The following DMD variants were observed in gnomAD, a reference collection of about 807,000 sequenced individuals.
The protein encoded by DMD is mutant dystrophin.
Under a neutral mutation model 330.1 loss-of-function variants are expected in DMD, and 63 were observed. That is an observed-to-expected ratio of 0.19 (90% CI 0.16 to 0.24). The LOEUF (loss-of-function observed/expected upper bound fraction) is 0.24, where lower values mean the gene tolerates loss of function less well. Ranked by LOEUF, DMD falls within the 10% of genes least tolerant of loss-of-function variation. The probability of loss-of-function intolerance (pLI) is 1.00; values close to 1 mark genes in which losing one functional copy is unlikely to be tolerated. For synonymous variants in DMD, 1,223 were observed against 959.8 expected (o/e 1.27, Z -5.07); for missense variants, 3,344 against 2,684.1 (o/e 1.25, Z -5.43).
chrX:32,975,345 G>GC (rs2092512917), intron 2 of DMD, among the ~76,000 whole-genome samples: 1 of 77,518 alleles, frequency 1.3e-5, no homozygotes, highest in Non-Finnish European at 2.3e-5. Context: ...TTTAAAAAAT[G>GC]CTTTTTTTTT....
At chrX:32,197,299 C>A (rs1211149733) in intron 44 of DMD, among the ~76,000 whole-genome samples, 1 of 111,294 alleles carries the variant, frequency 9.0e-6, no homozygotes, top group Non-Finnish European at 1.9e-5. Flanking sequence ...TCAAGCATTT[C>A]TCCTTTGTGT....
At chrX:32,014,422 T>G (rs2095743146) in intron 44 of DMD, among the ~76,000 whole-genome samples, 1 of 111,473 alleles carries the variant, frequency 9.0e-6, no homozygotes, top group Non-Finnish European at 1.9e-5. Context: ...GCATTGGAAA[T>G]TGACCCCTTG....
chrX:33,240,675 C>T (rs2052572774), intron 1 of DMD, among the ~76,000 whole-genome samples: 1 of 111,707 alleles, frequency 9.0e-6, no homozygotes, highest in South Asian at 3.7e-4. Context: ...ATTCACATTC[C>T]CACCAACGGT....
At chrX:32,527,164 C>A in intron 17 of DMD, among the ~76,000 whole-genome samples, 1 of 111,740 alleles carries the variant, frequency 8.9e-6, no homozygotes, top group Admixed American at 9.5e-5. Context: ...ATTGCAGGGT[C>A]CCAGGGCTCT....
intron 47 of DMD, among the ~76,000 whole-genome samples, chrX:31,920,250 A>T (rs936710786): frequency 8.9e-6 from 1 of 112,133 alleles, no homozygotes; most frequent in Non-Finnish European, 1.9e-5. Flanking sequence ...TTTTGGTATG[A>T]TTCTGATCTT....
chrX:31,338,309 C>CAAAAA (rs752828727), intron 61 of DMD, among the ~76,000 whole-genome samples: 2 of 53,389 alleles, frequency 3.7e-5, no homozygotes, highest in East Asian at 6.9e-4. Context: ...AGTAAAAATA[C>CAAAAA]AAAAAAAAAA....
At chrX:32,759,733 T>A (rs2071982129) in intron 7 of DMD, among the ~76,000 whole-genome samples, 1 of 110,356 alleles carries the variant, frequency 9.1e-6, no homozygotes, top group African/African-American at 3.3e-5. Context: ...AGTTTAAAAC[T>A]CCTTTTTTAA....
At chrX:33,111,127 A>G (rs1363050169) in intron 1 of DMD, among the ~76,000 whole-genome samples, 1 of 111,058 alleles carries the variant, frequency 9.0e-6, no homozygotes. Flanking sequence ...TGAAGTTGAC[A>G]ATGTTGCTGA....
At chrX:32,714,671 C>T (rs1292391871) in intron 7 of DMD, among the ~76,000 whole-genome samples, 1 of 111,625 alleles carries the variant, frequency 9.0e-6, no homozygotes, top group Non-Finnish European at 1.9e-5. Flanking sequence ...GGAGAACTAG[C>T]ATTTTCATCA....
intron 42 of DMD, among the ~76,000 whole-genome samples, chrX:32,308,533 T>C (rs762359775): frequency 3.6e-4 from 40 of 111,227 alleles, no homozygotes; most frequent in Non-Finnish European, 6.6e-4. Context: ...GGAGATTTGT[T>C]GGGAGACAGA....
At chrX:31,831,815 G>A (rs899222219) in intron 49 of DMD, among the ~76,000 whole-genome samples, 16 of 111,905 alleles carry the variant, frequency 1.4e-4, no homozygotes, top group Non-Finnish European at 2.8e-4. Flanking sequence ...TGTTAGCCAG[G>A]ATGGTCTCGA....
Position 32,699,103 on chromosome X carries a change from A to C in DMD, c.831+9T>G, listed in dbSNP as rs777394873. ...ATCTTGAATAGTAGCTGTCCTTTAC[A>C]CACTTTACCTGTTGAGAATAGTGCA... On this transcript the variant is annotated intron_variant, in intron 8 of 78. Coordinates refer to ENST00000357033, the MANE Select transcript of DMD (RefSeq NM_004006.3). 6 of 1,203,581 alleles carry C rather than the reference A, an allele frequency of 5.0e-6. No individual in the cohort carries two copies. Among genetic ancestry groups the C allele is most frequent in the Non-Finnish European group, 5.6e-6 (5 of 888,214 alleles).
Position 31,508,235 on chromosome X carries a change from C to A in DMD, c.8218-782G>T, listed in dbSNP as rs368616208. The A allele has an allele frequency of 4.7e-5, 57 of 1,205,513 alleles. No individual in the cohort carries two copies. The Middle Eastern group carries it at 1.1e-3, about 24-fold the overall frequency. ...TTACATGGTATGTCTTCCTGTGTAA[C>A]ATTTTCAGCTTGAACCGGGCACTAC... On this transcript the variant is annotated intron_variant, in intron 55 of 78. Coordinates refer to ENST00000357033, the MANE Select transcript of DMD (RefSeq NM_004006.3).
At chrX:32,900,213 C>T (rs748997522) in intron 2 of DMD, among the ~76,000 whole-genome samples, 1 of 111,934 alleles carries the variant, frequency 8.9e-6, no homozygotes, top group East Asian at 2.8e-4. Flanking sequence ...AATACATACA[C>T]ATCTGGTAAA....
chrX:31,751,230 T>C (rs1286004626), intron 51 of DMD, among the ~76,000 whole-genome samples: 2 of 111,214 alleles, frequency 1.8e-5, no homozygotes, highest in South Asian at 3.8e-4. Flanking sequence ...GGCATCACGC[T>C]ACCTGACTTC....
At chrX:32,476,549 T>A (rs2148514311) in intron 21 of DMD, among the ~76,000 whole-genome samples, 1 of 111,982 alleles carries the variant, frequency 8.9e-6, no homozygotes, top group South Asian at 3.7e-4. Context: ...TTTCTTTTTC[T>A]GATTTTCTTA....
chrX:32,650,523 A>G (rs745783233), intron 9 of DMD, among the ~76,000 whole-genome samples: 21 of 111,710 alleles, frequency 1.9e-4, no homozygotes, highest in Non-Finnish European at 2.6e-4. Context: ...TTTCTGAACA[A>G]CCAGGATTAG....
chrX:32,480,438 T>C (rs749092136), intron 21 of DMD, among the ~76,000 whole-genome samples: 20 of 110,564 alleles, frequency 1.8e-4, no homozygotes, highest in South Asian at 7.4e-4. Context: ...TATGTGTCTA[T>C]GTGTGTACAT....
chrX:33,286,640 T>C (rs182381009), intron 1 of DMD, among the ~76,000 whole-genome samples: 40 of 112,275 alleles, frequency 3.6e-4, no homozygotes, highest in South Asian at 7.3e-4. Context: ...AATGTTGTTG[T>C]TGTGTATGTA....
Sources: gnomAD v4.1 joint callset for allele counts (sites outside exome capture counted in the v4.1 genomes callset) on GRCh38, gnomAD v4.1.1 for gene constraint, MANE v1.5 for transcripts, NCBI Gene and HGNC (gene_info 2026-07-23, HGNC 2026-07-21) for gene names.